Variants in DLG5 observed in about 807,000 individuals in gnomAD.
DLG5 encodes the protein disks large homolog 5.
In DLG5, 48 loss-of-function variants were observed where a neutral mutation model predicts 189.8. That is an observed-to-expected ratio of 0.25 (90% CI 0.20 to 0.32). The LOEUF (loss-of-function observed/expected upper bound fraction) is 0.32, where lower values mean the gene tolerates loss of function less well. DLG5 is among the 10% of genes least tolerant of loss of function. The pLI, the probability that DLG5 is intolerant of heterozygous loss-of-function variation, is 1.00. For synonymous variants in DLG5, 1,016 were observed against 1,054.1 expected (o/e 0.96, Z 0.70); for missense variants, 2,160 against 2,544.7 (o/e 0.85, Z 3.25).
At chr10:77,833,636 A>G (rs1842981589) in intron 9 of DLG5, among the ~76,000 whole-genome samples, 1 of 152,244 alleles carries the variant, frequency 6.6e-6, no homozygotes, top group Admixed American at 6.5e-5. Context: ...GCTTGGGAAC[A>G]GGGTCCTCCC....
chr10:77,829,304 A>G (rs746272954), intron 12 of DLG5, 51 bp downstream of exon 12: 2 of 1,611,092 alleles, frequency 1.2e-6, no homozygotes, highest in East Asian at 2.2e-5. Context: ...CTGTCCACAA[A>G]AAAGGGCCCC....
intron 30 of DLG5, 72 bp downstream of exon 30, chr10:77,794,777 C>A: frequency 1.6e-6 from 2 of 1,232,734 alleles, no homozygotes; most frequent in Non-Finnish European, 2.4e-6. Context: ...CCAACACACC[C>A]TGCTCCCTAC....
At chr10:77,834,407 C>A (rs1843023355) in intron 8 of DLG5, among the ~76,000 whole-genome samples, 2 of 152,082 alleles carry the variant, frequency 1.3e-5, no homozygotes, top group Non-Finnish European at 2.9e-5. Context: ...GCATGAAGCA[C>A]CCCCCACCTG....
chr10:77,939,292 C>T, the DLG5 span, among the ~76,000 whole-genome samples: 2 of 152,130 alleles, frequency 1.3e-5, no homozygotes, highest in African/African-American at 2.4e-5. Flanking sequence ...CCTGCCCTGC[C>T]GGTGGGTGCA....
intron 5 of DLG5, among the ~76,000 whole-genome samples, chr10:77,847,167 G>A (rs1843735729): frequency 6.6e-6 from 1 of 152,100 alleles, no homozygotes; most frequent in Non-Finnish European, 1.5e-5. Flanking sequence ...CACAGACCTC[G>A]AGGTCCTTTC....
rs371286694 is a variant in DLG5, at chr10:77,821,169, C to T, written c.3315G>A (p.Glu1105=). The T allele has an allele frequency of 4.3e-6, 7 of 1,614,068 alleles. No individual in the cohort carries two copies. The African/African-American group carries it at 9.3e-5, about 22-fold the overall frequency. The change falls in exon 15 of 32, where the codon GAG becomes GAA. Residue 1105 remains glutamate (E), a synonymous_variant. Coordinates refer to ENST00000372391, the MANE Select transcript of DLG5 (RefSeq NM_004747.4). ...TTGGCCGGCGACGCTTCTGCCCCAG[C>T]TCATCCACCTTCTGGGAGGTGAGGT... ...DEDLTSQKVD[E]LGQKRRRPKS...
rs544083500 is a variant in DLG5, at chr10:77,858,372, T to C, written c.374-1480A>G. ...AAAATTAGCCAAGAGTGGTGGCTCA[T>C]GCCTGTAATCCAAGCACTCTGGGAG... On this transcript the variant is annotated intron_variant, in intron 2 of 31. Coordinates refer to ENST00000372391, the MANE Select transcript of DLG5 (RefSeq NM_004747.4). Among the ~76,000 whole-genome samples, 429 of 152,194 alleles carry C rather than the reference T, an allele frequency of 2.8e-3. 3 individuals carry two copies. Among genetic ancestry groups the C allele is most frequent in the Non-Finnish European group, 5.2e-3 (357 of 68,010 alleles).
chr10:77,867,654 T>C (rs1166757205), intron 2 of DLG5, among the ~76,000 whole-genome samples: 1 of 152,214 alleles, frequency 6.6e-6, no homozygotes, highest in African/African-American at 2.4e-5. Context: ...GGAGGAACTG[T>C]GTTTTTATGG....
chr10:77,833,034 C>G (rs997507967), intron 9 of DLG5, among the ~76,000 whole-genome samples: 2 of 152,078 alleles, frequency 1.3e-5, no homozygotes, highest in East Asian at 3.9e-4. Flanking sequence ...CACACTTGCA[C>G]TCACACACGA....
In DLG5 at chr10:77,809,536, T is replaced by G; in HGVS notation, c.4647+11A>C. 2 of 1,609,278 alleles carry G rather than the reference T, an allele frequency of 1.2e-6. No homozygotes were observed. Among genetic ancestry groups the G allele is most frequent in the Non-Finnish European group, 1.7e-6 (2 of 1,177,728 alleles). On this transcript the variant is annotated intron_variant, in intron 24 of 31. Transcript: ENST00000372391. ...ATGGAGGCCTGGCCTGCTCAGCAGC[T>G]CAGAACTCACCTCCAGGATGAGGTC...
chr10:77,806,726 C>T, intron 26 of DLG5, 32 bp downstream of exon 26: 11 of 1,501,012 alleles, frequency 7.3e-6, no homozygotes, highest in Non-Finnish European at 1.0e-5. Context: ...CGACCCCTGC[C>T]CCACCCCACC....
At chr10:77,899,856 T>C (rs927818640) in intron 1 of DLG5, among the ~76,000 whole-genome samples, 5 of 152,100 alleles carry the variant, frequency 3.3e-5, no homozygotes, top group Non-Finnish European at 7.4e-5. Flanking sequence ...CTCTTCTCAC[T>C]CCTCACTCAT....
chr10:77,922,584 G>A (rs944281191), intron 1 of DLG5, among the ~76,000 whole-genome samples: 4 of 152,164 alleles, frequency 2.6e-5, no homozygotes, highest in Non-Finnish European at 4.4e-5. Context: ...CCAGGGAACA[G>A]GAAAAACCAC....
intron 13 of DLG5, 40 bp downstream of exon 13, chr10:77,828,842 A>G (rs1356626736): frequency 1.9e-6 from 3 of 1,594,530 alleles, no homozygotes; most frequent in Non-Finnish European, 2.6e-6. Flanking sequence ...TAATCTGCCT[A>G]TGCACGGCAG....
At chr10:77,800,575 G>A (rs1368966444) in intron 27 of DLG5, among the ~76,000 whole-genome samples, 2 of 152,136 alleles carry the variant, frequency 1.3e-5, no homozygotes, top group Non-Finnish European at 2.9e-5. Context: ...GCCGCTGAGG[G>A]CTGAGAACCC....
intron 1 of DLG5, among the ~76,000 whole-genome samples, chr10:77,894,141 C>A (rs1272601): frequency 6.6e-6 from 1 of 152,016 alleles, no homozygotes; most frequent in Non-Finnish European, 1.5e-5. Flanking sequence ...AGAGGCTGCA[C>A]GTGCACATAC....
In DLG5 at chr10:77,841,991, T is replaced by C; in HGVS notation, c.1327A>G (p.Ile443Val). The C allele has an allele frequency of 1.2e-6, 2 of 1,614,246 alleles. No individual in the cohort carries two copies. Among genetic ancestry groups the C allele is most frequent in the Non-Finnish European group, 1.7e-6 (2 of 1,180,044 alleles). ...KLIMSERDQV[I>V]SELDKLQTEV... ...GTCTGCAGCTTGTCCAGCTCAGAGA[T>C]GACCTGGTCACGCTCACTCATGATG... Residue 443 changes from isoleucine (I) to valine (V), a missense_variant, in exon 7 of 32, where the codon ATC (isoleucine) becomes GTC (valine). Ile to Val is a conservative substitution (Grantham distance 29). Transcript: ENST00000372391.
chr10:77,905,363 C>T (rs1255002668), intron 1 of DLG5, among the ~76,000 whole-genome samples: 2 of 152,106 alleles, frequency 1.3e-5, no homozygotes, highest in Non-Finnish European at 2.9e-5. Flanking sequence ...TGGTTGTTTT[C>T]CTAGACCATT....
intron 6 of DLG5, 55 bp downstream of exon 6, chr10:77,843,392 G>A: frequency 1.9e-6 from 3 of 1,584,268 alleles, no homozygotes; most frequent in East Asian, 4.5e-5. Context: ...CCTGGTGGTG[G>A]CTGGGAACCT....
Sources: allele counts gnomAD v4.1 joint callset (sites outside exome capture counted in the v4.1 genomes callset), GRCh38; gene constraint gnomAD v4.1.1; transcripts MANE v1.5; gene names NCBI Gene and HGNC (gene_info 2026-07-23, HGNC 2026-07-21).